Variants in SPTBN2 observed in about 807,000 individuals in gnomAD.
The protein encoded by SPTBN2 is spectrin beta chain, non-erythrocytic 2.
In SPTBN2, 107 loss-of-function variants were observed where a neutral mutation model predicts 284.2. That is an observed-to-expected ratio of 0.38 (90% CI 0.32 to 0.44). SPTBN2 has a LOEUF of 0.44. SPTBN2 is among the 20% of genes least tolerant of loss of function. The pLI is 1.00. For missense variants in SPTBN2, 2,569 were observed against 3,287.1 expected (o/e 0.78, Z 5.34); for synonymous variants, 1,289 against 1,354.8 (o/e 0.95, Z 1.07).
intron 15 of SPTBN2, among the ~76,000 whole-genome samples, chr11:66,701,955 A>T (rs902710547): frequency 3.3e-5 from 5 of 152,208 alleles, no homozygotes; most frequent in Middle Eastern, 3.4e-3. Flanking sequence ...TGCTCAAAAG[A>T]TGGTGAAAGG....
intron 8 of SPTBN2, among the ~76,000 whole-genome samples, chr11:66,711,581 G>A (rs1270557513): frequency 6.6e-6 from 1 of 152,172 alleles, no homozygotes; most frequent in Non-Finnish European, 1.5e-5. Context: ...TGGGCCCAAG[G>A]AGGGGAGTGT....
At chr11:66,723,894 C>A (rs751168642) in intron 1 of SPTBN2, among the ~76,000 whole-genome samples, 1 of 152,158 alleles carries the variant, frequency 6.6e-6, no homozygotes, top group Non-Finnish European at 1.5e-5. Flanking sequence ...AATTCCATTT[C>A]TCTCGGCCTC....
chr11:66,702,909 G>C (rs559477372), intron 15 of SPTBN2, among the ~76,000 whole-genome samples: 1 of 119,914 alleles, frequency 8.3e-6, no homozygotes, highest in Non-Finnish European at 1.6e-5. Context: ...CTGCACTCCA[G>C]CCTGGGGGAC....
rs1192942514 is a variant in SPTBN2 at position 66,709,011 on chromosome 11, T to C, written c.1082A>G (p.Glu361Gly). ...GAGCAGCACTTCCAAGTTCCCTTTC[T>C]CGGTAAACCTGAGGCAGGAGGCCGG... ...RTVEKPPKFTEKGNLEVLLFT... is the reference protein window; with the variant it reads ...RTVEKPPKFTGKGNLEVLLFT... The change falls in exon 11 of 38, where the codon GAG becomes GGG. Residue 361 changes from glutamate to glycine, a missense_variant. Coordinates refer to ENST00000533211, the MANE Select transcript of SPTBN2 (RefSeq NM_006946.4). 6.2e-7 allele frequency: 1 copy of C among 1,613,814 alleles called. No individual in the cohort carries two copies. Among genetic ancestry groups the C allele is most frequent in the African/African-American group, 1.3e-5 (1 of 74,882 alleles).
Position 66,708,108 on chromosome 11 carries a change from C to G in SPTBN2, c.1350+33G>C, listed in dbSNP as rs1429874401. 1 of 1,612,740 alleles carries G rather than the reference C, an allele frequency of 6.2e-7. No homozygotes were observed. Among genetic ancestry groups the G allele is most frequent in the South Asian group, 1.1e-5 (1 of 91,068 alleles). The stretch of plus-strand genomic sequence containing the variant: ...ACCCTGTCTCTCTCCCAGTTCTGAC[C>G]AGCCTAAGCATCCTAGGAGCCTCAA... On this transcript the variant is annotated intron_variant, in intron 12 of 37. Transcript: ENST00000533211. This position sits in a 1 kb window ranked among gnomAD's most constrained non-coding sequence, Gnocchi z 4.4.
intron 8 of SPTBN2, among the ~76,000 whole-genome samples, 182 bp from the exon 9 acceptor site, chr11:66,711,211 C>T (rs901424681): frequency 6.6e-6 from 1 of 152,112 alleles, no homozygotes; most frequent in African/African-American, 2.4e-5. Flanking sequence ...CTTTTTTTCC[C>T]CTTCTCCTGG....
At position 66,707,997 on chromosome 11, in the gene SPTBN2, C is replaced by A; in HGVS notation, c.1350+144G>T. On this transcript the variant is annotated intron_variant, in intron 12 of 37. Coordinates refer to ENST00000533211, the MANE Select transcript of SPTBN2 (RefSeq NM_006946.4). This position sits in a 1 kb window ranked among gnomAD's most constrained non-coding sequence, Gnocchi z 4.9. ...CCTCTCTCCTGTCCCACCCTCTGGCCCCTGGCTCCCGGACCTCTAGGCCTT... is the reference window on the plus strand; with the variant it reads ...CCTCTCTCCTGTCCCACCCTCTGGCACCTGGCTCCCGGACCTCTAGGCCTT... 6.9e-7 allele frequency: 1 copy of A among 1,447,516 alleles called. No individual in the cohort carries two copies. The highest frequency in any genetic ancestry group is 1.2e-5 in the South Asian group (1 of 81,970). The allele number at this position is 1,447,516 out of a possible 1,614,324, so 89.7% of individuals were successfully genotyped here. A position where few individuals can be genotyped will look rare whatever the true frequency, so the allele number is the denominator to read the frequency against.
At position 66,688,633 on chromosome 11, in the gene SPTBN2, C is replaced by T. The variant is rs372484275; in HGVS notation, c.6231+20G>A. 110 of 1,613,448 alleles carry T rather than the reference C, an allele frequency of 6.8e-5. No homozygotes were observed. In the South Asian group the frequency reaches 9.1e-4, roughly 13 times the overall value. ...AGGGGAGCAGGTTGGAGTGGGCATC[C>T]GGGGTCCTGTGTCCCTCACCGCAGT... On this transcript the variant is annotated intron_variant, in intron 31 of 37. Coordinates refer to ENST00000533211, the MANE Select transcript of SPTBN2 (RefSeq NM_006946.4).
upstream of SPTBN2, among the ~76,000 whole-genome samples, chr11:66,731,606 G>T (rs1942815055): frequency 6.6e-6 from 1 of 152,148 alleles, no homozygotes; most frequent in Non-Finnish European, 1.5e-5. Flanking sequence ...GGCCCTCACT[G>T]CTGTCTCTCA....
In SPTBN2 at chr11:66,718,785, C is replaced by T. The variant is rs1276887153; in HGVS notation, c.157+2299G>A. ...TGGCAAAAAGAGTTACGGGGTGTCC[C>T]GAACTCCTGAGACAGAGAGTGGGGG... is the stretch of plus-strand genomic sequence containing the variant. On this transcript the variant is annotated intron_variant, in intron 3 of 37. Transcript: ENST00000533211. The surrounding 1 kb of genome is among the most constrained non-coding windows in gnomAD (Gnocchi z 4.8). Among the ~76,000 whole-genome samples, 3 of 152,190 alleles carry T rather than the reference C, an allele frequency of 2.0e-5. No individual in the cohort carries two copies. Among genetic ancestry groups the T allele is most frequent in the Non-Finnish European group, 4.4e-5 (3 of 68,032 alleles).
At chr11:66,741,921 C>T (rs994697407) in intron 1 of SPTBN2, among the ~76,000 whole-genome samples, 2 of 151,972 alleles carry the variant, frequency 1.3e-5, no homozygotes, top group Non-Finnish European at 2.9e-5. Context: ...TCGAGGGGCT[C>T]GAGATCCTCC....
Position 66,687,077 on chromosome 11 carries a change from G to A in SPTBN2, c.6813C>T (p.His2271=), listed in dbSNP as rs545082298. ...TGGCCAGGCTGACAGGCACTTCTCCGTGGTATGGCACTCCCGCGCTGGCTG... is the reference window on the plus strand; with the variant it reads ...TGGCCAGGCTGACAGGCACTTCTCCATGGTATGGCACTCCCGCGCTGGCTG... The part of the protein sequence containing the change: ...AKAASAGVPY[H]GEVPVSLARA... Residue 2271 remains histidine, a synonymous_variant, in exon 36 of 38, where the codon CAC becomes CAT. Transcript: ENST00000533211. The surrounding 1 kb of genome is among the most constrained non-coding windows in gnomAD (Gnocchi z 5.2). 1.8e-4 allele frequency: 292 copies of A among 1,614,138 alleles called. 1 individual carries two copies. Among genetic ancestry groups the A allele is most frequent in the South Asian group, 1.1e-3 (101 of 91,090 alleles).
At chr11:66,730,581 CAAAA>C (rs35527505), upstream of SPTBN2, among the ~76,000 whole-genome samples, 2 of 103,200 alleles carry the variant, frequency 1.9e-5, no homozygotes. Context: ...ACTCCATCTC[CAAAA>C]AAAAAAAAAA....
chr11:66,705,101 G>A lies in SPTBN2; in HGVS notation c.2175C>T (p.Leu725=). ...CCTCTAGCCGCTCCCACTGGGCTTG[G>A]AGTTCAGCTGCACGGGCAGAGGCCT... ...ASQASARAAE[L]QAQWERLEAL... Residue 725 remains leucine (L), a synonymous_variant, in exon 15 of 38, where the codon CTC becomes CTT. Transcript: ENST00000533211. The A allele has an allele frequency of 6.4e-7, 1 of 1,562,368 alleles. No individual in the cohort carries two copies. Among genetic ancestry groups the A allele is most frequent in the South Asian group, 1.1e-5 (1 of 87,062 alleles).
rs754262200 is a variant in SPTBN2 at position 66,721,058 on chromosome 11, C to T, written c.157+26G>A. The T allele has an allele frequency of 5.6e-6, 9 of 1,613,974 alleles. No individual in the cohort carries two copies. The South Asian group carries it at 6.6e-5, about 12-fold the overall frequency. On this transcript the variant is annotated intron_variant, in intron 3 of 37. Transcript: ENST00000533211. ...TGACAAAGCCTCCTCCAGCATCCCC[C>T]CACCTCGACCCTCCTCTGACCTCAC...
chr11:66,692,531 C>T lies in SPTBN2; in HGVS notation c.5190+5G>A. On this transcript the variant is annotated splice_donor_5th_base_variant and intron_variant, in intron 26 of 37. Transcript: ENST00000533211. ...ATCTGAGCTGGGTGCCCTCCCTACA[C>T]TCACAGTCACATGCTCGTAGTCCTG... is the stretch of plus-strand genomic sequence containing the variant. 1 of 1,601,492 alleles carries T rather than the reference C, an allele frequency of 6.2e-7. No individual in the cohort carries two copies. Among genetic ancestry groups the T allele is most frequent in the Non-Finnish European group, 8.5e-7 (1 of 1,179,942 alleles).
Position 66,714,444 on chromosome 11 carries a change from C to T in SPTBN2, c.484-37G>A, listed in dbSNP as rs373333048. ...GCAAGCAGGGCCCTCAGTCCCTGGA[C>T]AGGAACTCCTGGTGTTATCAGAGAT... On this transcript the variant is annotated intron_variant, in intron 5 of 37. Coordinates refer to ENST00000533211, the MANE Select transcript of SPTBN2 (RefSeq NM_006946.4). The T allele has an allele frequency of 3.6e-5, 56 of 1,536,166 alleles. No individual in the cohort carries two copies. In the South Asian group the frequency reaches 3.9e-4, roughly 11 times the overall value.
chr11:66,699,201 G>A (rs1458360381), intron 18 of SPTBN2, 119 bp from the exon 19 acceptor site: 14 of 1,368,972 alleles, frequency 1.0e-5, no homozygotes, highest in Non-Finnish European at 1.4e-5. Flanking sequence ...AGCACAATGA[G>A]GCTACCCAGG....
chr11:66,720,650 G>A (rs1285793539), intron 3 of SPTBN2, among the ~76,000 whole-genome samples: 4 of 152,194 alleles, frequency 2.6e-5, no homozygotes, highest in Non-Finnish European at 4.4e-5. Flanking sequence ...GGAACAGGTG[G>A]AGAGGGAGCA....
Sources: gnomAD v4.1 joint callset for allele counts (sites outside exome capture counted in the v4.1 genomes callset) on GRCh38, gnomAD v4.1.1 for gene constraint, Gnocchi (gnomAD v3.1) non-coding constraint, MANE v1.5 for transcripts, NCBI Gene and HGNC (gene_info 2026-07-23, HGNC 2026-07-21) for gene names.